The following NEK1 variants were observed in gnomAD, a reference collection of about 807,000 sequenced individuals.
The protein encoded by NEK1 is serine/threonine-protein kinase Nek1.
A neutral mutation model predicts 182.1 loss-of-function variants in NEK1; 137 were observed. That is an observed-to-expected ratio of 0.75 (90% CI 0.65 to 0.87). The LOEUF (loss-of-function observed/expected upper bound fraction) is 0.87, where lower values mean the gene tolerates loss of function less well. Ranked by LOEUF, NEK1 falls within the 40% of genes least tolerant of loss-of-function variation. The pLI is 0.00. For missense variants in NEK1, 1,391 were observed against 1,494.4 expected (o/e 0.93, Z 1.14); for synonymous variants, 513 against 492.2 (o/e 1.04, Z -0.56).
At chr4:169,547,565 T>C (rs1760718754) in intron 18 of NEK1, among the ~76,000 whole-genome samples, 1 of 152,106 alleles carries the variant, frequency 6.6e-6, no homozygotes, top group Non-Finnish European at 1.5e-5. Flanking sequence ...TCCTGGAGAG[T>C]GTTTTCCAAG....
intron 27 of NEK1, among the ~76,000 whole-genome samples, chr4:169,453,999 A>G (rs1742353854): frequency 6.6e-6 from 1 of 152,222 alleles, no homozygotes; most frequent in African/African-American, 2.4e-5. Flanking sequence ...CCAATAGAAC[A>G]GAACAGAGGC....
At chr4:169,598,820 T>G (rs1769999196) in intron 5 of NEK1, among the ~76,000 whole-genome samples, 1 of 152,202 alleles carries the variant, frequency 6.6e-6, no homozygotes, top group Non-Finnish European at 1.5e-5. Flanking sequence ...GAATATAGAC[T>G]AGTCAGTTAT....
chr4:169,582,142 G>A (rs1766757027), intron 10 of NEK1, among the ~76,000 whole-genome samples: 1 of 151,816 alleles, frequency 6.6e-6, no homozygotes, highest in Non-Finnish European at 1.5e-5. Flanking sequence ...TGTGGGGAAG[G>A]CAAAGGCAAG....
intron 18 of NEK1, among the ~76,000 whole-genome samples, chr4:169,544,774 G>A (rs1760096854): frequency 6.6e-6 from 1 of 151,702 alleles, no homozygotes; most frequent in East Asian, 1.9e-4. Flanking sequence ...TTGTGTAGAG[G>A]TATTTATAGT....
chr4:169,430,123 T>C (rs1041508234), intron 29 of NEK1, among the ~76,000 whole-genome samples: 27 of 152,210 alleles, frequency 1.8e-4, no homozygotes, highest in Admixed American at 1.6e-3. Flanking sequence ...TCCTATAATA[T>C]GTAAAAATGA....
At chr4:169,475,462 A>G (rs986637201) in intron 26 of NEK1, among the ~76,000 whole-genome samples, 1 of 152,206 alleles carries the variant, frequency 6.6e-6, no homozygotes, top group Non-Finnish European at 1.5e-5. Flanking sequence ...AACTGAGTCC[A>G]AGTATTATAA....
intron 2 of NEK1, among the ~76,000 whole-genome samples, chr4:169,604,042 C>CGAAT (rs2150146505): frequency 6.6e-6 from 1 of 152,242 alleles, no homozygotes; most frequent in South Asian, 2.1e-4. Context: ...TTGAACTATT[C>CGAAT]ATCCATGTTC....
At chr4:169,596,805 A>G (rs954090995) in intron 5 of NEK1, among the ~76,000 whole-genome samples, 1 of 152,228 alleles carries the variant, frequency 6.6e-6, no homozygotes, top group Non-Finnish European at 1.5e-5. Flanking sequence ...TAAATAGGCT[A>G]AAATAAATAG....
intron 19 of NEK1, among the ~76,000 whole-genome samples, chr4:169,527,643 A>G (rs141985497): frequency 1.4e-4 from 22 of 152,296 alleles, no homozygotes; most frequent in African/African-American, 4.1e-4. Flanking sequence ...GCAACCACAA[A>G]GAAATTATAC....
chr4:169,610,680 A>C (rs1772171775), intron 2 of NEK1, among the ~76,000 whole-genome samples: 1 of 152,216 alleles, frequency 6.6e-6, no homozygotes, highest in Admixed American at 6.5e-5. Flanking sequence ...AGCCACATAT[A>C]AACAATTTTA....
At chr4:169,411,408 C>T (rs1733653818) in intron 31 of NEK1, among the ~76,000 whole-genome samples, 1 of 152,088 alleles carries the variant, frequency 6.6e-6, no homozygotes, top group Admixed American at 6.5e-5. Flanking sequence ...CTCACTGCAG[C>T]CTCTGCCTCC....
intron 10 of NEK1, among the ~76,000 whole-genome samples, chr4:169,582,809 A>G (rs1414725699): frequency 2.6e-5 from 4 of 152,318 alleles, no homozygotes; most frequent in Admixed American, 6.5e-5. Flanking sequence ...CAGTTATACC[A>G]AGGACATTTC....
chr4:169,600,328 C>T (rs373861606), intron 4 of NEK1, among the ~76,000 whole-genome samples: 5 of 152,030 alleles, frequency 3.3e-5, no homozygotes, highest in African/African-American at 4.8e-5. Context: ...TAGGTGGAAC[C>T]GCAGGCACAC....
rs182539344 is a variant in NEK1 at position 169,503,182 on chromosome 4, A to G, written c.2007+3855T>C. Among the ~76,000 whole-genome samples the G allele has an allele frequency of 5.9e-4, 90 of 152,266 alleles. 1 individual carries two copies. The highest frequency in any genetic ancestry group is 2.1e-3 in the African/African-American group (88 of 41,554). ...ATACATTTACCCAAGGAGGTGAAAGATCTCTACAAGGAGAACTACAAAACA... is the reference window on the plus strand; with the variant it reads ...ATACATTTACCCAAGGAGGTGAAAGGTCTCTACAAGGAGAACTACAAAACA... On this transcript the variant is annotated intron_variant, in intron 23 of 35. Transcript: ENST00000507142.
chr4:169,611,016 A>AT (rs1772234348), intron 2 of NEK1, among the ~76,000 whole-genome samples: 1 of 152,168 alleles, frequency 6.6e-6, no homozygotes, highest in African/African-American at 2.4e-5. Context: ...TTTTCAAAAT[A>AT]TTTTTTCTTC....
chr4:169,500,649 C>G (rs1263152322), intron 23 of NEK1, among the ~76,000 whole-genome samples: 2 of 152,166 alleles, frequency 1.3e-5, no homozygotes, highest in Non-Finnish European at 2.9e-5. Context: ...AATTTCACAG[C>G]CTGCCAAGCT....
At chr4:169,576,655 T>C (rs944400721) in intron 12 of NEK1, 20 of 208,308 alleles carry the variant, frequency 9.6e-5, no homozygotes, top group Non-Finnish European at 1.2e-4. Context: ...CAAAAACAAA[T>C]GGCTCTGCTT....
intron 18 of NEK1, among the ~76,000 whole-genome samples, chr4:169,548,578 C>T (rs937231883): frequency 3.9e-5 from 6 of 152,214 alleles, no homozygotes; most frequent in African/African-American, 1.2e-4. Flanking sequence ...ACTGCCCCTT[C>T]CCCCAGGTGC....
intron 20 of NEK1, 70 bp from the exon 21 acceptor site, chr4:169,508,401 T>C: frequency 1.5e-6 from 2 of 1,292,742 alleles, no homozygotes; most frequent in South Asian, 3.0e-5. Context: ...CTGCTAGATT[T>C]TTTTTAAATT....
Sources: gnomAD v4.1 joint callset for allele counts (sites outside exome capture counted in the v4.1 genomes callset) on GRCh38, gnomAD v4.1.1 for gene constraint, MANE v1.5 for transcripts, NCBI Gene and HGNC (gene_info 2026-07-23, HGNC 2026-07-21) for gene names.